Variants in FHIT observed in about 807,000 individuals in gnomAD.
FHIT encodes the protein bis(5'-adenosyl)-triphosphatase.
FHIT carries 19 observed loss-of-function variants against 17.9 expected under a neutral mutation model. The ratio of observed to expected loss-of-function variants is 1.06; its 90% confidence interval spans 0.74 to 1.56. The LOEUF is 1.56. Among genes scored for constraint, FHIT ranks in the 40% most tolerant of loss-of-function variants. The probability of loss-of-function intolerance (pLI) is 0.00; values close to 1 mark genes in which losing one functional copy is unlikely to be tolerated. For missense variants in FHIT, 248 were observed against 189.2 expected, an observed-to-expected ratio of 1.31 and a Z score of -1.82; for synonymous variants, 81 against 69.7, an observed-to-expected ratio of 1.16 and a Z score of -0.81.
intron 2 of FHIT, among the ~76,000 whole-genome samples, chr3:61,191,550 T>A (rs78047657): frequency 0.085 from 12,999 of 152,220 alleles, 1,202 homozygotes; most frequent in East Asian, 0.43. Flanking sequence ...TTTGGTTCTG[T>A]TTCTCTGAAG....
chr3:60,882,929 C>T (rs1705042967), intron 3 of FHIT, among the ~76,000 whole-genome samples: 1 of 152,106 alleles, frequency 6.6e-6, no homozygotes. Flanking sequence ...CAAATTGTCC[C>T]TGTTTACAGA....
intron 7 of FHIT, among the ~76,000 whole-genome samples, chr3:59,972,239 G>A (rs1339128247): frequency 6.6e-6 from 1 of 152,084 alleles, no homozygotes; most frequent in Non-Finnish European, 1.5e-5. Context: ...CTAACTTGAT[G>A]GAATATTCAA....
At chr3:60,791,833 C>G (rs1455115962) in intron 4 of FHIT, among the ~76,000 whole-genome samples, 1 of 152,138 alleles carries the variant, frequency 6.6e-6, no homozygotes, top group Non-Finnish European at 1.5e-5. Flanking sequence ...TTTAAAAAAG[C>G]AAAGTGAATG....
At chr3:61,095,037 T>C (rs2035596642) in intron 2 of FHIT, among the ~76,000 whole-genome samples, 1 of 152,238 alleles carries the variant, frequency 6.6e-6, no homozygotes, top group Admixed American at 6.5e-5. Context: ...AAGAATTAGA[T>C]ACTGCAATGG....
At chr3:60,991,017 T>C (rs138744931) in intron 3 of FHIT, among the ~76,000 whole-genome samples, 29 of 152,028 alleles carry the variant, frequency 1.9e-4, no homozygotes, top group African/African-American at 6.8e-4. Flanking sequence ...ATGAACAAAA[T>C]AAGTTTGGTA....
At chr3:59,832,057 G>A (rs1188296746) in intron 8 of FHIT, among the ~76,000 whole-genome samples, 3 of 152,128 alleles carry the variant, frequency 2.0e-5, no homozygotes, top group Non-Finnish European at 4.4e-5. Context: ...TCCTTACCCA[G>A]TGATCCACTT....
At chr3:60,791,958 C>A (rs1700792835) in intron 4 of FHIT, among the ~76,000 whole-genome samples, 2 of 152,156 alleles carry the variant, frequency 1.3e-5, no homozygotes, top group African/African-American at 4.8e-5. Flanking sequence ...TGTATACACA[C>A]CTCCTCTCAA....
At chr3:60,060,678 G>A (rs7649027) in intron 5 of FHIT, among the ~76,000 whole-genome samples, 3,243 of 152,170 alleles carry the variant, frequency 0.021, 122 homozygotes, top group African/African-American at 0.072. Context: ...CTCAATACAT[G>A]GGTGTCTTAG....
At chr3:60,241,558 A>T (rs1705130654) in intron 5 of FHIT, among the ~76,000 whole-genome samples, 1 of 152,044 alleles carries the variant, frequency 6.6e-6, no homozygotes, top group South Asian at 2.1e-4. Flanking sequence ...TTTTTTTGTA[A>T]GGGTTGAAAG....
At chr3:60,437,368 A>G (rs2030365932) in intron 5 of FHIT, among the ~76,000 whole-genome samples, 1 of 152,124 alleles carries the variant, frequency 6.6e-6, no homozygotes, top group Non-Finnish European at 1.5e-5. Flanking sequence ...AAGTTATAAA[A>G]TTCTCTCTAT....
At position 60,066,630 on chromosome 3, in the gene FHIT, A is replaced by ATT. The variant is rs71089574; in HGVS notation, c.104-52480_104-52479dup. 3.9e-3 allele frequency among the ~76,000 whole-genome samples: 201 copies of ATT among 51,398 alleles called. 41 individuals carry two copies. Among genetic ancestry groups the ATT allele is most frequent in the Non-Finnish European group, 5.2e-3 (143 of 27,674 alleles). The allele number at this position is 51,398 out of a possible 152,430, so 33.7% of individuals were successfully genotyped here. On this transcript the variant is annotated intron_variant, in intron 5 of 9. Transcript: ENST00000492590. Reference sequence around the variant, plus strand: ...ATAGGTTGATTTTAATCCCTGACAAATTTTTTTTTTTTTTTTTTTTTTTTT... The same window carrying ATT: ...ATAGGTTGATTTTAATCCCTGACAAATTTTTTTTTTTTTTTTTTTTTTTTTTT...
chr3:60,929,974 G>T (rs1707858512), intron 3 of FHIT, among the ~76,000 whole-genome samples: 1 of 152,120 alleles, frequency 6.6e-6, no homozygotes, highest in Admixed American at 6.5e-5. Context: ...ACTACACAAG[G>T]CTACAGTAAT....
chr3:60,224,224 C>T (rs745775899), intron 5 of FHIT, among the ~76,000 whole-genome samples: 4 of 152,136 alleles, frequency 2.6e-5, no homozygotes, highest in Non-Finnish European at 5.9e-5. Flanking sequence ...CTGAGGTTCA[C>T]AGAGGAGAAT....
chr3:61,046,229 T>G (rs1018508110), intron 2 of FHIT, among the ~76,000 whole-genome samples: 6 of 151,742 alleles, frequency 4.0e-5, no homozygotes, highest in African/African-American at 4.8e-5. Flanking sequence ...TCAACAAAAT[T>G]GATAGACTGC....
intron 5 of FHIT, among the ~76,000 whole-genome samples, chr3:60,321,099 G>A (rs142986131): frequency 9.2e-4 from 140 of 152,158 alleles, no homozygotes; most frequent in African/African-American, 3.3e-3. Context: ...GGAGGCTCAG[G>A]GACTCCCCAA....
At chr3:60,121,766 C>G (rs534247196) in intron 5 of FHIT, among the ~76,000 whole-genome samples, 4 of 151,580 alleles carry the variant, frequency 2.6e-5, no homozygotes, top group Admixed American at 6.6e-5. Flanking sequence ...TGCCTAATGT[C>G]ACAGTGCCAT....
At chr3:60,756,438 C>T (rs1234424973) in intron 4 of FHIT, among the ~76,000 whole-genome samples, 3 of 152,164 alleles carry the variant, frequency 2.0e-5, no homozygotes, top group East Asian at 1.9e-4. Flanking sequence ...GTCTGCAATT[C>T]GTCATGGGCA....
intron 4 of FHIT, among the ~76,000 whole-genome samples, chr3:60,590,721 T>C (rs1398739354): frequency 1.3e-5 from 2 of 152,100 alleles, no homozygotes; most frequent in African/African-American, 2.4e-5. Flanking sequence ...TCAACGCATA[T>C]TTACTCCACA....
At chr3:61,154,406 C>A (rs1279694969) in intron 2 of FHIT, among the ~76,000 whole-genome samples, 2 of 150,914 alleles carry the variant, frequency 1.3e-5, no homozygotes, top group South Asian at 2.1e-4. Flanking sequence ...GGGGGAAAAA[C>A]CCCTCATAAA....
Sources: allele counts gnomAD v4.1 joint callset (sites outside exome capture counted in the v4.1 genomes callset), GRCh38; gene constraint gnomAD v4.1.1; transcripts MANE v1.5; gene names NCBI Gene and HGNC (gene_info 2026-07-23, HGNC 2026-07-21).